CLVS1: variants seen among roughly 807,000 people sequenced by gnomAD.
CLVS1 encodes the protein clavesin 1.
In CLVS1, 10 loss-of-function variants were observed where a neutral mutation model predicts 33.1. That is an observed-to-expected ratio of 0.30 (90% CI 0.19 to 0.51). The LOEUF (loss-of-function observed/expected upper bound fraction) is 0.51. Ranked by LOEUF, CLVS1 falls within the 20% of genes least tolerant of loss-of-function variation. The pLI is 0.97. For missense variants in CLVS1, 343 were observed against 433.4 expected (o/e 0.79, Z 1.85); for synonymous variants, 163 against 166.1 (o/e 0.98, Z 0.14).
intron 2 of CLVS1, among the ~76,000 whole-genome samples, chr8:61,306,431 T>C (rs1270038292): frequency 6.6e-6 from 1 of 152,236 alleles, no homozygotes; most frequent in Non-Finnish European, 1.5e-5. Flanking sequence ...AGATGATGGA[T>C]ATTAGACCGT....
Position 61,301,595 on chromosome 8 carries a change from C to A in CLVS1, c.455+1313C>A, listed in dbSNP as rs142241071. On this transcript the variant is annotated intron_variant, in intron 2 of 5. Coordinates refer to ENST00000325897, the MANE Select transcript of CLVS1 (RefSeq NM_173519.3). ...CATAAATATATATTACCTCATTTAACCCACCTGAGAACTTTGCATGGTAGA... is the reference window on the plus strand; with the variant it reads ...CATAAATATATATTACCTCATTTAAACCACCTGAGAACTTTGCATGGTAGA... Among the ~76,000 whole-genome samples the A allele has an allele frequency of 2.7e-4, 41 of 152,276 alleles. 2 individuals are homozygous for A. The highest frequency in any genetic ancestry group is 9.6e-4 in the African/African-American group (40 of 41,548).
the CLVS1 span, among the ~76,000 whole-genome samples, chr8:60,968,764 C>T: frequency 1.3e-5 from 2 of 151,844 alleles, no homozygotes; most frequent in African/African-American, 4.8e-5. Flanking sequence ...GGGCATGTGC[C>T]TGTAGTCCCA....
the CLVS1 span, among the ~76,000 whole-genome samples, chr8:60,984,866 T>C: frequency 2.0e-5 from 3 of 152,186 alleles, no homozygotes; most frequent in African/African-American, 7.2e-5. Flanking sequence ...ACAGAGCTGC[T>C]CCTGGAATAG....
chr8:61,412,434 G>A (rs529420583), intron 3 of CLVS1, among the ~76,000 whole-genome samples: 1 of 152,288 alleles, frequency 6.6e-6, no homozygotes, highest in South Asian at 2.1e-4. Context: ...TTTGACTCAG[G>A]CTTTCACTCA....
At chr8:61,000,253 G>C in the CLVS1 span, among the ~76,000 whole-genome samples, 30,953 of 152,136 alleles carry the variant, frequency 0.2, 4,137 homozygotes, top group African/African-American at 0.37. Flanking sequence ...GAGGGCAAGT[G>C]AAGCTTCTGT....
Position 61,300,225 on chromosome 8 carries a change from G to A in CLVS1, c.398G>A (p.Arg133Gln), listed in dbSNP as rs1190700549. 1.4e-5 allele frequency: 23 copies of A among 1,613,978 alleles called. No homozygotes were observed. Among genetic ancestry groups the A allele is most frequent in the East Asian group, 2.2e-5 (1 of 44,876 alleles). ...IDGFPGVLENRDHYGRKILLL... is the reference protein window; with the variant it reads ...IDGFPGVLENQDHYGRKILLL... ...GGGTTCCCCGGGGTGCTGGAAAACC[G>A]AGACCATTACGGCAGGAAGATTCTT... The change falls in exon 2 of 6, where the codon CGA becomes CAA. Residue 133 changes from arginine (R) to glutamine (Q), a missense_variant. Arg to Gln is a conservative substitution (Grantham distance 43, BLOSUM62 1). Transcript: ENST00000325897.
chr8:61,232,041 T>TTTTTTTTTTTTTG lies in CLVS1; in HGVS notation c.-151-67627_-151-67626insTTTGTTTTTTTTT, dbSNP rs1554548394. Among the ~76,000 whole-genome samples the TTTTTTTTTTTTTG allele has an allele frequency of 4.9e-4, 57 of 116,002 alleles. 1 individual carries two copies. The highest frequency in any genetic ancestry group is 1.9e-3 in the East Asian group (7 of 3,638). 76.1% of individuals were successfully genotyped at this position (116,002 alleles called of 152,430 possible). On this transcript the variant is annotated intron_variant, in intron 2 of 2. Transcript: ENST00000522621. Reference sequence around the variant, plus strand: ...AGTTGTGGTTTTTTTTTTTTTTTTTTTTTTTTTTTGTGAGATGGAGTCTCG... The same window carrying TTTTTTTTTTTTTG: ...AGTTGTGGTTTTTTTTTTTTTTTTTTTTTTTTTTTTTTGTTTTTTTTTGTGAGATGGAGTCTCG...
At chr8:61,301,685 C>G (rs115768507) in intron 2 of CLVS1, among the ~76,000 whole-genome samples, 160 of 152,272 alleles carry the variant, frequency 1.1e-3, no homozygotes, top group African/African-American at 3.6e-3. Flanking sequence ...AAGGAGCTCA[C>G]TCATGTTACA....
rs113676747 is a variant in CLVS1, at chr8:61,165,383, A to G, written c.-152+33523A>G. Reference sequence around the variant, plus strand: ...CTCCCATACAAGGGGAGGGGACCCAAAGGGGGTTGCCCTTGCCAGCTCGAA... The same window carrying G: ...CTCCCATACAAGGGGAGGGGACCCAGAGGGGGTTGCCCTTGCCAGCTCGAA... On this transcript the variant is annotated intron_variant, in intron 2 of 2. Coordinates refer to the CLVS1 transcript ENST00000522621. Among the ~76,000 whole-genome samples, 860 of 152,318 alleles carry G rather than the reference A, an allele frequency of 5.6e-3. 8 individuals carry two copies. Among genetic ancestry groups the G allele is most frequent in the Non-Finnish European group, 8.9e-3 (605 of 68,026 alleles).
At chr8:61,263,443 AC>A (rs1809246657) in intron 2 of CLVS1, among the ~76,000 whole-genome samples, 1 of 152,176 alleles carries the variant, frequency 6.6e-6, no homozygotes, top group African/African-American at 2.4e-5. Context: ...ATGAAGCCCC[AC>A]TGGGTAGCTC....
Position 61,126,330 on chromosome 8 carries a change from A to G in CLVS1, c.-242-5440A>G, listed in dbSNP as rs567039807. On this transcript the variant is annotated intron_variant, in intron 1 of 2. Transcript: ENST00000522621. ...CTGTGGAGAAAGCAGACATGTACTG[A>G]GTGCGTCTGCTACCAAATCAAAGAA... is the stretch of plus-strand genomic sequence containing the variant. Among the ~76,000 whole-genome samples the G allele has an allele frequency of 2.6e-5, 4 of 152,302 alleles. No individual in the cohort carries two copies. The East Asian group carries it at 7.7e-4, about 29-fold the overall frequency.
chr8:61,479,720 A>G (rs1381990101), intron 5 of CLVS1, among the ~76,000 whole-genome samples: 1 of 151,148 alleles, frequency 6.6e-6, no homozygotes, highest in African/African-American at 2.4e-5. Context: ...GGTTTTATCT[A>G]CCTTTGGTTT....
At chr8:61,158,478 C>A (rs1382085746) in intron 2 of CLVS1, among the ~76,000 whole-genome samples, 5 of 152,128 alleles carry the variant, frequency 3.3e-5, no homozygotes, top group Non-Finnish European at 7.4e-5. Flanking sequence ...AAATAAAAAT[C>A]ACAGCCAAAA....
chr8:61,370,152 A>C (rs1309676832), intron 2 of CLVS1, among the ~76,000 whole-genome samples: 1 of 152,160 alleles, frequency 6.6e-6, no homozygotes, highest in East Asian at 1.9e-4. Flanking sequence ...ATTAAGTGTG[A>C]TGTCAAGAGG....
chr8:61,472,657 T>G (rs1563568502), intron 5 of CLVS1, among the ~76,000 whole-genome samples: 1 of 152,168 alleles, frequency 6.6e-6, no homozygotes, highest in Non-Finnish European at 1.5e-5. Flanking sequence ...TTAAAATAAT[T>G]TTTAAAAATT....
intron 2 of CLVS1, among the ~76,000 whole-genome samples, chr8:61,216,277 G>C (rs1231851947): frequency 1.3e-5 from 2 of 152,186 alleles, no homozygotes; most frequent in African/African-American, 4.8e-5. Flanking sequence ...GAGGGAATAT[G>C]ATTGAGAGAC....
chr8:61,184,497 A>C (rs1462153204), intron 2 of CLVS1, among the ~76,000 whole-genome samples: 2 of 152,192 alleles, frequency 1.3e-5, no homozygotes, highest in Non-Finnish European at 2.9e-5. Flanking sequence ...AATTCGTTTT[A>C]TGTGGGGTGC....
At chr8:61,486,398 T>C (rs1803885058) in intron 5 of CLVS1, among the ~76,000 whole-genome samples, 1 of 152,102 alleles carries the variant, frequency 6.6e-6, no homozygotes, top group South Asian at 2.1e-4. Context: ...AGTTAGTCTT[T>C]GGTGTTTGAC....
At position 61,074,376 on chromosome 8, in the gene CLVS1, AAG is replaced by A. The variant is rs1423432999; in HGVS notation, c.-243+17147_-243+17148del. ...TGTGTGTGTGTATATATATATATAT[AAG>A]TATATGTGTATATATATATGTTATA... On this transcript the variant is annotated intron_variant, in intron 1 of 2. Coordinates refer to the CLVS1 transcript ENST00000522621. Among the ~76,000 whole-genome samples, 566 of 50,872 alleles carry A rather than the reference AAG, an allele frequency of 0.011. 40 individuals are homozygous for A. The African/African-American group carries it at 0.17, about 15-fold the overall frequency. The allele number at this position is 50,872 out of a possible 152,430, so 33.4% of individuals were successfully genotyped here. A position where few individuals can be genotyped will look rare whatever the true frequency, so the allele number is the denominator to read the frequency against.
Sources: gnomAD v4.1 joint callset for allele counts (sites outside exome capture counted in the v4.1 genomes callset) on GRCh38, gnomAD v4.1.1 for gene constraint, MANE v1.5 for transcripts, NCBI Gene and HGNC (gene_info 2026-07-23, HGNC 2026-07-21) for gene names.